Variants in SOD2 observed in about 807,000 individuals in gnomAD.
The protein encoded by SOD2 is superoxide dismutase [Mn], mitochondrial.
Under a neutral mutation model 27.0 loss-of-function variants are expected in SOD2, and 11 were observed. That is an observed-to-expected ratio of 0.41 (90% confidence interval 0.26 to 0.67). The LOEUF (loss-of-function observed/expected upper bound fraction) is 0.67, where lower values mean the gene tolerates loss of function less well. Among genes scored for constraint, SOD2 ranks in the 30% least tolerant of loss-of-function variants. The pLI is 0.34. For synonymous variants in SOD2, 105 were observed against 103.0 expected (o/e 1.02, Z -0.12); for missense variants, 250 against 274.5 (o/e 0.91, Z 0.63).
At chr6:159,726,864 G>A (rs1447821726) in intron 1 of SOD2, 14 of 1,289,112 alleles carry the variant, frequency 1.1e-5, no homozygotes, top group Admixed American at 2.3e-5. Flanking sequence ...GTGAGCTTCT[G>A]CTAAGAGTAA....
chr6:159,734,732 A>G (rs1172972174), intron 1 of SOD2, among the ~76,000 whole-genome samples: 1 of 152,264 alleles, frequency 6.6e-6, no homozygotes, highest in Non-Finnish European at 1.5e-5. Flanking sequence ...AATGCAATTT[A>G]GATGCTTTTT....
intron 1 of SOD2, among the ~76,000 whole-genome samples, chr6:159,733,873 G>A (rs1174864543): frequency 2.0e-5 from 3 of 152,124 alleles, no homozygotes; most frequent in Non-Finnish European, 2.9e-5. Flanking sequence ...CCGAGATCGC[G>A]CCGTTGCACT....
chr6:159,716,452 G>C (rs1326788188), intron 1 of SOD2, among the ~76,000 whole-genome samples: 2 of 152,180 alleles, frequency 1.3e-5, no homozygotes, highest in Admixed American at 1.3e-4. Context: ...AACAAGGAAG[G>C]GAGGGGGAAA....
chr6:159,718,828 A>C (rs1777972878), intron 1 of SOD2, among the ~76,000 whole-genome samples: 1 of 152,212 alleles, frequency 6.6e-6, no homozygotes, highest in South Asian at 2.1e-4. Context: ...AAGAGTAGAA[A>C]GAGCATTCCA....
intron 1 of SOD2, chr6:159,726,817 G>C (rs767840577): frequency 3.9e-6 from 5 of 1,289,220 alleles, no homozygotes; most frequent in South Asian, 3.7e-5. Context: ...ACTGATGAGA[G>C]GGAAGGCATC....
intron 1 of SOD2, among the ~76,000 whole-genome samples, chr6:159,719,693 T>A (rs144545069): frequency 6.6e-6 from 1 of 151,088 alleles, no homozygotes; most frequent in East Asian, 1.9e-4. Flanking sequence ...GCCAATTCAC[T>A]TAATCTAACT....
intron 1 of SOD2, chr6:159,726,959 C>A: frequency 7.8e-7 from 1 of 1,286,110 alleles, no homozygotes; most frequent in South Asian, 1.2e-5. Flanking sequence ...ATGAGCGTCA[C>A]GAACACAGAG....
intron 1 of SOD2, among the ~76,000 whole-genome samples, chr6:159,720,835 T>G (rs1179881234): frequency 6.7e-6 from 1 of 149,296 alleles, no homozygotes; most frequent in African/African-American, 2.5e-5. Flanking sequence ...TATACAGGTG[T>G]ATTTTCTTTA....
At position 159,693,145 on chromosome 6, in the gene SOD2, C is replaced by T. The variant is rs1465692303; in HGVS notation, c.23G>A (p.Gly8Asp). 6.5e-7 allele frequency: 1 copy of T among 1,534,176 alleles called. No individual in the cohort carries two copies. The highest frequency in any genetic ancestry group is 1.2e-5 in the South Asian group (1 of 82,208). Residue 8 changes from glycine to aspartate, a missense_variant and splice_region_variant, in exon 1 of 5, where the codon GGC becomes GAC. Physicochemically the swap from Gly to Asp is moderately conservative, Grantham distance 94 (BLOSUM62 -1). Coordinates refer to ENST00000538183, the MANE Select transcript of SOD2 (RefSeq NM_000636.4). ...GTGACCGGGTCCCCTTTCTTCTCAC[C>T]CGCACACTGCCCGGCTCAACATGCT... MLSRAVC[G>D]TSRQLAPVLG...
chr6:159,731,818 A>G (rs1778587899), upstream of SOD2, among the ~76,000 whole-genome samples: 3 of 152,190 alleles, frequency 2.0e-5, no homozygotes, highest in South Asian at 6.2e-4. Context: ...TGCAAAGTTG[A>G]CAACCTGTTT....
At chr6:159,760,326 G>C (rs1780097360) in intron 1 of SOD2, 1 of 152,230 alleles carries the variant, frequency 6.6e-6, no homozygotes, top group Non-Finnish European at 1.5e-5. Flanking sequence ...CTGGAGTGCA[G>C]TGGTGTGATC....
intron 1 of SOD2, chr6:159,726,970 C>G (rs1018148333): frequency 7.8e-7 from 1 of 1,282,138 alleles, no homozygotes; most frequent in Non-Finnish European, 1.0e-6. Flanking sequence ...GAACACAGAG[C>G]GGCCAATCAC....
rs527932565 is a variant in SOD2, at chr6:159,692,602, T to C, written c.226+59A>G. The stretch of plus-strand genomic sequence containing the variant: ...CGGAGAGGCCCGTCCGTATGGGGCC[T>C]GGCTCCCTGGGGTCGCCTCTGCCGG... On this transcript the variant is annotated intron_variant, in intron 2 of 4. Coordinates refer to ENST00000538183, the MANE Select transcript of SOD2 (RefSeq NM_000636.4). 97 of 1,602,950 alleles carry C rather than the reference T, an allele frequency of 6.1e-5. No homozygotes were observed. In the Middle Eastern group the frequency reaches 1.0e-3, roughly 17 times the overall value.
At chr6:159,734,378 A>AC (rs1778777617) in intron 1 of SOD2, among the ~76,000 whole-genome samples, 1 of 145,082 alleles carries the variant, frequency 6.9e-6, no homozygotes, top group African/African-American at 2.7e-5. Flanking sequence ...TCCATCTCAA[A>AC]AAAAAAAAAA....
chr6:159,714,150 TA>T (rs1218883612), intron 1 of SOD2, among the ~76,000 whole-genome samples: 1 of 152,208 alleles, frequency 6.6e-6, no homozygotes, highest in Non-Finnish European at 1.5e-5. Flanking sequence ...GCTTTACCTC[TA>T]ATCTCTGCTG....
chr6:159,751,223 A>G (rs747826062), intron 1 of SOD2, among the ~76,000 whole-genome samples: 81 of 152,354 alleles, frequency 5.3e-4, no homozygotes, highest in Middle Eastern at 3.4e-3. Flanking sequence ...TGATATGACT[A>G]TCTTAGCTTA....
intron 1 of SOD2, chr6:159,713,298 C>T: frequency 1.5e-6 from 1 of 663,154 alleles, no homozygotes; most frequent in Non-Finnish European, 2.7e-6. Context: ...CCATAGGGAC[C>T]CTGCCTCATC....
At chr6:159,761,493 C>T (rs894614212) in exon 1 of SOD2, 2 of 455,528 alleles carry the variant, frequency 4.4e-6, no homozygotes, top group African/African-American at 4.0e-5. Context: ...AAGCCCCTCA[C>T]GCGAGCGAAT....
intron 1 of SOD2, among the ~76,000 whole-genome samples, chr6:159,723,727 C>A (rs1778085258): frequency 6.6e-6 from 1 of 151,466 alleles, no homozygotes; most frequent in South Asian, 2.1e-4. Flanking sequence ...TGCTTCTAGG[C>A]CCTTTCAGTC....
Sources: allele counts gnomAD v4.1 joint callset (sites outside exome capture counted in the v4.1 genomes callset), GRCh38; gene constraint gnomAD v4.1.1; transcripts MANE v1.5; gene names NCBI Gene and HGNC (gene_info 2026-07-23, HGNC 2026-07-21).